Variants in ZNF420 observed in about 807,000 individuals in gnomAD.
ZNF420 encodes zinc finger protein 420, also known as ATM and p53-associated KZNF protein.
ZNF420 carries 31 observed loss-of-function variants against 44.7 expected under a neutral mutation model. The observed-to-expected ratio is 0.69, with a 90% CI of 0.52 to 0.94. The LOEUF (loss-of-function observed/expected upper bound fraction) is 0.94. Ranked by LOEUF, ZNF420 falls within the 40% of genes least tolerant of loss-of-function variation. ZNF420 has a pLI of 0.00. For synonymous variants in ZNF420, 245 were observed against 267.4 expected, an observed-to-expected ratio of 0.92 and a Z score of 0.82; for missense variants, 681 against 827.9, an observed-to-expected ratio of 0.82 and a Z score of 2.18.
rs763538753 is a variant in ZNF420, at chr19:37,128,302, C to A, written c.1311C>A (p.His437Gln). Residue 437 changes from histidine (H) to glutamine (Q), a missense_variant, in exon 5 of 5, where the codon CAC becomes CAA. Coordinates refer to ENST00000337995, the MANE Select transcript of ZNF420 (RefSeq NM_144689.5). Reference protein sequence around the residue: ...AFNRGSLLTRHQRIHTGEKPY... With the variant: ...AFNRGSLLTRQQRIHTGEKPY... ...ATCGTGGCTCACTCCTTACACGACACCAGAGGATTCATACTGGTGAGAAAC... is the reference window on the plus strand; with the variant it reads ...ATCGTGGCTCACTCCTTACACGACAACAGAGGATTCATACTGGTGAGAAAC... 3.7e-6 allele frequency: 6 copies of A among 1,611,122 alleles called. No individual in the cohort carries two copies. The highest frequency in any genetic ancestry group is 4.2e-6 in the Non-Finnish European group (5 of 1,179,188).
At chr19:37,049,890 G>GCA (rs1967608305) in intron 1 of ZNF420, among the ~76,000 whole-genome samples, 1 of 152,142 alleles carries the variant, frequency 6.6e-6, no homozygotes, top group South Asian at 2.1e-4. Context: ...ATTAATTTTT[G>GCA]TATAAGGTGC....
chr19:37,010,530 TTC>T (rs771143014), intron 1 of ZNF420, among the ~76,000 whole-genome samples: 1 of 151,938 alleles, frequency 6.6e-6, no homozygotes, highest in Non-Finnish European at 1.5e-5. Context: ...CCATTCTCTC[TTC>T]TCTCTCTGTC....
chr19:37,096,757 A>G (rs552481841), intron 4 of ZNF420, among the ~76,000 whole-genome samples: 1 of 152,296 alleles, frequency 6.6e-6, no homozygotes, highest in South Asian at 2.1e-4. Flanking sequence ...GACATCTGTC[A>G]TATTTTTCCA....
intron 4 of ZNF420, among the ~76,000 whole-genome samples, chr19:37,095,843 C>T (rs1969422897): frequency 1.3e-5 from 2 of 152,174 alleles, no homozygotes; most frequent in Non-Finnish European, 2.9e-5. Flanking sequence ...AGGTGATCCA[C>T]CCACCTCCAC....
At chr19:37,041,920 AT>A (rs1967459789) in intron 1 of ZNF420, among the ~76,000 whole-genome samples, 2 of 152,234 alleles carry the variant, frequency 1.3e-5, no homozygotes, top group Non-Finnish European at 2.9e-5. Context: ...ATATACATTT[AT>A]TAACCTGATC....
At chr19:37,070,292 A>T (rs1968036146) in intron 1 of ZNF420, among the ~76,000 whole-genome samples, 1 of 152,124 alleles carries the variant, frequency 6.6e-6, no homozygotes, top group East Asian at 1.9e-4. Context: ...AGATTTTATA[A>T]AAAAAATTGT....
chr19:37,084,061 G>T (rs562304141), intron 2 of ZNF420, among the ~76,000 whole-genome samples: 9 of 152,178 alleles, frequency 5.9e-5, no homozygotes, highest in African/African-American at 2.2e-4. Context: ...ATATGTGTGT[G>T]TATAATCATT....
Position 37,129,008 on chromosome 19 carries a change from T to C in ZNF420, c.2017T>C (p.Tyr673His). 6.2e-7 allele frequency: 1 copy of C among 1,613,868 alleles called. No homozygotes were observed. The highest frequency in any genetic ancestry group is 8.5e-7 in the Non-Finnish European group (1 of 1,179,826). ...TCATATCAGTGAGAAATCTTTTGAA[T>C]ATAAGGAATGTGGGATTGACTTTAG... ...RIHISEKSFEYKECGIDFSHG... is the reference protein window; with the variant it reads ...RIHISEKSFEHKECGIDFSHG... Residue 673 changes from tyrosine (Y) to histidine (H), a missense_variant, in exon 5 of 5, where the codon TAT becomes CAT. By Grantham distance (83) the Tyr-to-His change is moderately conservative. Transcript: ENST00000337995.
chr19:37,025,771 T>TTTC (rs1967146459), intron 1 of ZNF420, among the ~76,000 whole-genome samples: 1 of 28,184 alleles, frequency 3.5e-5, no homozygotes, highest in Admixed American at 3.4e-4. Context: ...TAAACCTGTC[T>TTTC]TTTTTTTTTT....
chr19:37,059,936 C>T (rs561394615), intron 1 of ZNF420, among the ~76,000 whole-genome samples: 2 of 151,978 alleles, frequency 1.3e-5, no homozygotes, highest in South Asian at 2.1e-4. Context: ...TGCCCATGAG[C>T]GTGTGTGTGT....
intron 1 of ZNF420, among the ~76,000 whole-genome samples, chr19:37,045,695 A>G (rs772471797): frequency 2.0e-5 from 3 of 152,194 alleles, no homozygotes; most frequent in Non-Finnish European, 4.4e-5. Flanking sequence ...CATCACATAG[A>G]ATTGCAATGA....
intron 4 of ZNF420, among the ~76,000 whole-genome samples, chr19:37,125,667 A>G (rs73620810): frequency 0.019 from 2,943 of 152,212 alleles, 80 homozygotes; most frequent in East Asian, 0.05. Flanking sequence ...TTCATTACCT[A>G]GTTTTTATTG....
At chr19:37,085,940 TTATTATTA>T (rs1568445699) in intron 2 of ZNF420, among the ~76,000 whole-genome samples, 17 of 21,060 alleles carry the variant, frequency 8.1e-4, no homozygotes, top group African/African-American at 1.2e-3. Flanking sequence ...TGATGTTTTA[TTATTATTA>T]TTATTATTAT....
At chr19:37,021,988 C>T (rs1488838157) in intron 1 of ZNF420, among the ~76,000 whole-genome samples, 1 of 126,450 alleles carries the variant, frequency 7.9e-6, no homozygotes, top group African/African-American at 2.9e-5. Flanking sequence ...AATAGTTGTA[C>T]ATTACTGAGA....
At chr19:37,073,197 A>G (rs1329996459) in intron 1 of ZNF420, among the ~76,000 whole-genome samples, 1 of 152,076 alleles carries the variant, frequency 6.6e-6, no homozygotes, top group Non-Finnish European at 1.5e-5. Context: ...ACAGAGCGAG[A>G]CCCCATCTCT....
intron 4 of ZNF420, among the ~76,000 whole-genome samples, chr19:37,123,202 G>T (rs1971151525): frequency 6.6e-6 from 1 of 152,170 alleles, no homozygotes; most frequent in African/African-American, 2.4e-5. Flanking sequence ...GAGTCAGGTG[G>T]ATTATTGTTG....
At chr19:37,081,702 T>A (rs989398735) in intron 2 of ZNF420, among the ~76,000 whole-genome samples, 1 of 138,060 alleles carries the variant, frequency 7.2e-6, no homozygotes, top group Non-Finnish European at 1.6e-5. Context: ...ATTTTTGTAT[T>A]TTTTTTTTTT....
At chr19:37,082,665 T>G (rs1303912761) in intron 2 of ZNF420, among the ~76,000 whole-genome samples, 1 of 152,180 alleles carries the variant, frequency 6.6e-6, no homozygotes, top group Non-Finnish European at 1.5e-5. Flanking sequence ...TAACCAACCA[T>G]ATGAATATAG....
At chr19:37,093,460 A>T (rs1969268636) in intron 4 of ZNF420, among the ~76,000 whole-genome samples, 1 of 152,072 alleles carries the variant, frequency 6.6e-6, no homozygotes, top group Non-Finnish European at 1.5e-5. Context: ...TGACCTCGTG[A>T]TCCGCCCACC....
Sources: gnomAD v4.1 joint callset for allele counts (sites outside exome capture counted in the v4.1 genomes callset) on GRCh38, gnomAD v4.1.1 for gene constraint, MANE v1.5 for transcripts, NCBI Gene and HGNC (gene_info 2026-07-23, HGNC 2026-07-21) for gene names.